Variants in PCDHGA5 observed in about 807,000 individuals in gnomAD.
PCDHGA5 encodes protocadherin gamma subfamily A, 5.
In PCDHGA5, 36 loss-of-function variants were observed where a neutral mutation model predicts 56.7. The observed-to-expected ratio is 0.64, with a 90% CI of 0.49 to 0.84. The LOEUF (loss-of-function observed/expected upper bound fraction) is 0.84. PCDHGA5 is among the 40% of genes least tolerant of loss of function. The pLI, the probability that PCDHGA5 is intolerant of heterozygous loss-of-function variation, is 0.00. For synonymous variants in PCDHGA5, 563 were observed against 520.2 expected (o/e 1.08, Z -1.12); for missense variants, 1,305 against 1,201.5 (o/e 1.09, Z -1.27).
intron 1 of PCDHGA5, chr5:141,478,174 G>GA (rs1156842877): frequency 3.7e-6 from 6 of 1,613,692 alleles, no homozygotes; most frequent in South Asian, 1.1e-5. Context: ...CCCGGGAGCA[G>GA]AAAAAAAATC....
At chr5:141,423,228 CA>C in intron 1 of PCDHGA5, 1 of 1,613,866 alleles carries the variant, frequency 6.2e-7, no homozygotes, top group Non-Finnish European at 8.5e-7. Flanking sequence ...CTGTGGCCGA[CA>C]GCATCCCCGA....
chr5:141,490,130 C>A lies in PCDHGA5; in HGVS notation c.2422-4677C>A, dbSNP rs535362535. On this transcript the variant is annotated intron_variant, in intron 1 of 3. Coordinates refer to ENST00000518069, the MANE Select transcript of PCDHGA5 (RefSeq NM_018918.3). The surrounding 1 kb of genome is among the most constrained non-coding windows in gnomAD (Gnocchi z 5.4). ...GTGCGGAACCTCTTTGGCCTAGACC[C>A]TAGCAGTGGGGCAATCCATGTGTTG... 11 of 1,614,242 alleles carry A rather than the reference C, an allele frequency of 6.8e-6. No individual in the cohort carries two copies. In the African/African-American group the frequency reaches 1.3e-4, roughly 20 times the overall value.
At chr5:141,421,418 G>A (rs771088122) in intron 1 of PCDHGA5, 1 of 1,614,086 alleles carries the variant, frequency 6.2e-7, no homozygotes, top group Admixed American at 1.7e-5. Flanking sequence ...GCGAAGCGCG[G>A]AGTCCGCATC....
At chr5:141,391,397 C>T (rs1341257748) in intron 1 of PCDHGA5, 1 of 151,598 alleles carries the variant, frequency 6.6e-6, no homozygotes, top group African/African-American at 2.4e-5. Flanking sequence ...CCTCCAGCCT[C>T]AAACTCCTGG....
In PCDHGA5 at chr5:141,486,217, T is replaced by C; in HGVS notation, c.2422-8590T>C. ...TGCTGGACGTAAATGACAATGCCCC[T>C]TACATCACAGTGACCTCAGAGCTTG... On this transcript the variant is annotated intron_variant, in intron 1 of 3. Coordinates refer to ENST00000518069, the MANE Select transcript of PCDHGA5 (RefSeq NM_018918.3). The surrounding 1 kb of genome is among the most constrained non-coding windows in gnomAD (Gnocchi z 5.0). The C allele has an allele frequency of 6.2e-7, 1 of 1,614,120 alleles. No homozygotes were observed.
chr5:141,470,911 G>A (rs1208467445), intron 1 of PCDHGA5, among the ~76,000 whole-genome samples: 1 of 151,916 alleles, frequency 6.6e-6, no homozygotes, highest in Non-Finnish European at 1.5e-5. Context: ...AGATGGGACT[G>A]TCCCTATGTT....
chr5:141,474,019 A>G (rs923131322), intron 1 of PCDHGA5, among the ~76,000 whole-genome samples: 4 of 152,134 alleles, frequency 2.6e-5, no homozygotes, highest in Non-Finnish European at 4.4e-5. Flanking sequence ...ACAGTGAGCT[A>G]TGATTATTCC....
chr5:141,475,300 T>C (rs1383092136), intron 1 of PCDHGA5, among the ~76,000 whole-genome samples: 3 of 152,332 alleles, frequency 2.0e-5, no homozygotes, highest in South Asian at 2.1e-4. Context: ...AATTTCTTAT[T>C]GCTCCCTGGT....
rs1389286417 is a variant in PCDHGA5 at position 141,432,046 on chromosome 5, C to T, written c.2422-62761C>T. ...CAGTGACCGCCACTGACCGGGGAAC[C>T]CCGCCCCTATCCACGGAAACTCATA... On this transcript the variant is annotated intron_variant, in intron 1 of 3. Transcript: ENST00000518069. This position sits in a 1 kb window ranked among gnomAD's most constrained non-coding sequence, Gnocchi z 6.0. 3.1e-6 allele frequency: 5 copies of T among 1,614,224 alleles called. No homozygotes were observed. The highest frequency in any genetic ancestry group is 2.2e-5 in the East Asian group (1 of 44,886).
chr5:141,375,011 G>C, intron 1 of PCDHGA5: 2 of 1,614,028 alleles, frequency 1.2e-6, no homozygotes, highest in Non-Finnish European at 1.7e-6. Context: ...TCTAGACTAT[G>C]AGGACTCGAG....
Position 141,491,170 on chromosome 5 carries a change from G to A in PCDHGA5, c.2422-3637G>A. The stretch of plus-strand genomic sequence containing the variant: ...GGAGGATGACTCTGACACCCAGCAG[G>A]TGGTGGTCCTGGTGAGGGACAATGG... On this transcript the variant is annotated intron_variant, in intron 1 of 3. Coordinates refer to ENST00000518069, the MANE Select transcript of PCDHGA5 (RefSeq NM_018918.3). The surrounding 1 kb of genome is among the most constrained non-coding windows in gnomAD (Gnocchi z 6.9). 6.2e-7 allele frequency: 1 copy of A among 1,614,176 alleles called. No individual in the cohort carries two copies. Among genetic ancestry groups the A allele is most frequent in the Non-Finnish European group, 8.5e-7 (1 of 1,179,996 alleles).
intron 1 of PCDHGA5, chr5:141,384,514 G>A: frequency 1.2e-6 from 2 of 1,614,194 alleles, no homozygotes; most frequent in Non-Finnish European, 1.7e-6. Flanking sequence ...TGACAGCGGG[G>A]ACCCGCCTCT....
At position 141,416,146 on chromosome 5, in the gene PCDHGA5, G is replaced by T. The variant is rs114133295; in HGVS notation, c.2421+49395G>T. 4.2e-3 allele frequency: 636 copies of T among 153,236 alleles called. 7 individuals carry two copies. Among genetic ancestry groups the T allele is most frequent in the South Asian group, 0.03 (145 of 4,832 alleles). 9.5% of individuals were successfully genotyped at this position (153,236 alleles called of 1,614,324 possible). Reference sequence around the variant, plus strand: ...TATATTTTTCAATCTATACTTTGTGGTGATAGTTGCAGTTGAATATACTAA... The same window carrying T: ...TATATTTTTCAATCTATACTTTGTGTTGATAGTTGCAGTTGAATATACTAA... On this transcript the variant is annotated intron_variant, in intron 1 of 3. Transcript: ENST00000518069.
At chr5:141,449,876 C>T (rs924666805) in intron 1 of PCDHGA5, among the ~76,000 whole-genome samples, 1 of 151,724 alleles carries the variant, frequency 6.6e-6, no homozygotes, top group African/African-American at 2.4e-5. Context: ...AATTTAACAT[C>T]AATGCAATAT....
chr5:141,375,828 C>T, intron 1 of PCDHGA5: 1 of 1,614,168 alleles, frequency 6.2e-7, no homozygotes. Context: ...CCCCGCTCCG[C>T]AGAGCCCGGC....
chr5:141,399,656 T>C, intron 1 of PCDHGA5: 1 of 1,613,694 alleles, frequency 6.2e-7, no homozygotes, highest in Non-Finnish European at 8.5e-7. Context: ...AGTGGGGTGG[T>C]GTTCGCGCAG....
chr5:141,389,481 C>T (rs372276550), intron 1 of PCDHGA5: 5 of 1,612,962 alleles, frequency 3.1e-6, no homozygotes, highest in African/African-American at 1.3e-5. Context: ...ACTGCAGGCC[C>T]GCGACCAGGG....
intron 1 of PCDHGA5, among the ~76,000 whole-genome samples, chr5:141,438,745 T>C (rs1004731034): frequency 4.7e-5 from 7 of 147,392 alleles, no homozygotes; most frequent in Non-Finnish European, 1.0e-4. Flanking sequence ...CACTGCAACC[T>C]CTGCCTCCTG....
chr5:141,390,179 A>G (rs1561630532), intron 1 of PCDHGA5: 1 of 1,614,044 alleles, frequency 6.2e-7, no homozygotes, highest in African/African-American at 1.3e-5. Flanking sequence ...TTAATTTCCT[A>G]AAATGTAGTG....
Sources: gnomAD v4.1 joint callset for allele counts (sites outside exome capture counted in the v4.1 genomes callset) on GRCh38, gnomAD v4.1.1 for gene constraint, Gnocchi (gnomAD v3.1) non-coding constraint, MANE v1.5 for transcripts, NCBI Gene and HGNC (gene_info 2026-07-23, HGNC 2026-07-21) for gene names.